The following CADM1 variants were observed in gnomAD, a reference collection of about 807,000 sequenced individuals.
The protein encoded by CADM1 is TSLC-1.
In CADM1, 15 loss-of-function variants were observed where a neutral mutation model predicts 53.1. The ratio of observed to expected loss-of-function variants is 0.28; its 90% CI spans 0.19 to 0.44. The LOEUF (loss-of-function observed/expected upper bound fraction) is 0.44. Among genes scored for constraint, CADM1 ranks in the 20% least tolerant of loss-of-function variants. The probability of loss-of-function intolerance (pLI) is 1.00; values close to 1 mark genes in which losing one functional copy is unlikely to be tolerated. For synonymous variants in CADM1, 281 were observed against 243.0 expected (o/e 1.16, Z -1.45); for missense variants, 434 against 611.3 (o/e 0.71, Z 3.06).
At chr11:115,251,572 C>T (rs1460310143) in intron 1 of CADM1, among the ~76,000 whole-genome samples, 2 of 152,128 alleles carry the variant, frequency 1.3e-5, no homozygotes, top group African/African-American at 4.8e-5. Flanking sequence ...CTGAATAATG[C>T]TGCAACATTC....
At chr11:115,354,250 G>A (rs909721614) in intron 1 of CADM1, among the ~76,000 whole-genome samples, 4 of 152,134 alleles carry the variant, frequency 2.6e-5, no homozygotes, top group Non-Finnish European at 5.9e-5. Flanking sequence ...ATTTTAATTA[G>A]TTCTCACGAC....
At chr11:115,207,183 C>G (rs1424947896) in intron 8 of CADM1, 1 of 152,114 alleles carries the variant, frequency 6.6e-6, no homozygotes, top group Non-Finnish European at 1.5e-5. Context: ...TTTAACTACT[C>G]TTGGGTGTGC....
chr11:115,503,438 C>T (rs1949776829), intron 1 of CADM1, among the ~76,000 whole-genome samples: 1 of 152,180 alleles, frequency 6.6e-6, no homozygotes, highest in Non-Finnish European at 1.5e-5. Context: ...CCTCCGCCAC[C>T]CTCGGGCCGC....
At chr11:115,395,364 A>C (rs1946968958) in intron 1 of CADM1, among the ~76,000 whole-genome samples, 1 of 152,232 alleles carries the variant, frequency 6.6e-6, no homozygotes, top group African/African-American at 2.4e-5. Flanking sequence ...TTGGGAAAAA[A>C]TTACTAAACC....
intron 1 of CADM1, among the ~76,000 whole-genome samples, chr11:115,351,305 C>A (rs1945730417): frequency 6.6e-6 from 1 of 152,160 alleles, no homozygotes; most frequent in Non-Finnish European, 1.5e-5. Flanking sequence ...GGAAGACGTA[C>A]CTTCATGCTC....
intron 1 of CADM1, among the ~76,000 whole-genome samples, chr11:115,268,302 A>G (rs1360239533): frequency 2.0e-5 from 3 of 152,194 alleles, no homozygotes; most frequent in Non-Finnish European, 2.9e-5. Context: ...CCACTGTACT[A>G]AAGTATTTGC....
rs1938908304 is a variant in CADM1, at chr11:115,174,210, A to C, written c.*2264T>G. ...CACTGCACTACTGTACACTTTTCAAAACAGAAAGATGGGAGGTCCCAAAAA... is the reference window on the plus strand; with the variant it reads ...CACTGCACTACTGTACACTTTTCAACACAGAAAGATGGGAGGTCCCAAAAA... On this transcript the variant is annotated 3_prime_UTR_variant, in exon 12 of 12. Coordinates refer to ENST00000331581, the MANE Select transcript of CADM1 (RefSeq NM_001301043.2). 1.0e-6 allele frequency: 1 copy of C among 985,326 alleles called. No homozygotes were observed. The highest frequency in any genetic ancestry group is 1.2e-6 in the Non-Finnish European group (1 of 829,918). The allele number at this position is 985,326 out of a possible 1,614,324, so 61.0% of individuals were successfully genotyped here.
intron 1 of CADM1, among the ~76,000 whole-genome samples, chr11:115,255,791 G>A (rs554196319): frequency 3.9e-5 from 6 of 152,144 alleles, no homozygotes; most frequent in Non-Finnish European, 8.8e-5. Context: ...AAATCAATAG[G>A]AAACTGAATG....
chr11:115,203,683 T>TA (rs903515717), intron 8 of CADM1, among the ~76,000 whole-genome samples: 1 of 152,216 alleles, frequency 6.6e-6, no homozygotes, highest in Admixed American at 6.5e-5. Context: ...GAAATTATGA[T>TA]AGAGGCATTA....
At chr11:115,367,932 G>A (rs942268190) in intron 1 of CADM1, among the ~76,000 whole-genome samples, 2 of 151,918 alleles carry the variant, frequency 1.3e-5, no homozygotes, top group Non-Finnish European at 2.9e-5. Flanking sequence ...TTTTAAGACT[G>A]AGATTGAAAT....
intron 1 of CADM1, among the ~76,000 whole-genome samples, chr11:115,420,113 C>A (rs972770584): frequency 6.6e-6 from 1 of 152,160 alleles, no homozygotes; most frequent in African/African-American, 2.4e-5. Context: ...CAGGCAAAAG[C>A]CCCTAGAAGC....
intron 1 of CADM1, among the ~76,000 whole-genome samples, chr11:115,376,251 T>C (rs574488088): frequency 6.6e-6 from 1 of 152,284 alleles, no homozygotes; most frequent in Non-Finnish European, 1.5e-5. Flanking sequence ...TTAAATGAGA[T>C]ACAACTCTTA....
intron 1 of CADM1, among the ~76,000 whole-genome samples, chr11:115,460,843 T>C (rs573126579): frequency 6.6e-6 from 1 of 152,252 alleles, no homozygotes; most frequent in African/African-American, 2.4e-5. Flanking sequence ...TGTTTTCCAT[T>C]TTTCTTTTTC....
chr11:115,259,739 T>G (rs1942914579), intron 1 of CADM1, among the ~76,000 whole-genome samples: 1 of 152,114 alleles, frequency 6.6e-6, no homozygotes, highest in Non-Finnish European at 1.5e-5. Flanking sequence ...GAAGGAGCTT[T>G]CCTCCAAACA....
intron 1 of CADM1, among the ~76,000 whole-genome samples, chr11:115,410,470 C>T (rs1264168309): frequency 2.0e-5 from 3 of 151,878 alleles, no homozygotes; most frequent in African/African-American, 7.3e-5. Context: ...GAAAAATAAA[C>T]AAAGTCTAGA....
Position 115,368,110 on chromosome 11 carries a change from C to CTTTT in CADM1, c.125-127694_125-127691dup, listed in dbSNP as rs58589028. On this transcript the variant is annotated intron_variant, in intron 1 of 11. Coordinates refer to ENST00000331581, the MANE Select transcript of CADM1 (RefSeq NM_001301043.2). ...AAAATGTCTTTATTATCACTAGAGT[C>CTTTT]TTTTTTTTTTTTTTTTTTTTTTTTT... 3.6e-3 allele frequency among the ~76,000 whole-genome samples: 222 copies of CTTTT among 61,890 alleles called. 11 individuals carry two copies. The highest frequency in any genetic ancestry group is 0.013 in the African/African-American group (195 of 14,784). The allele number at this position is 61,890 out of a possible 152,430, so 40.6% of individuals were successfully genotyped here. A position where few individuals can be genotyped will look rare whatever the true frequency, so the allele number is the denominator to read the frequency against.
At chr11:115,334,519 T>C (rs1425210194) in intron 1 of CADM1, among the ~76,000 whole-genome samples, 1 of 152,006 alleles carries the variant, frequency 6.6e-6, no homozygotes, top group Non-Finnish European at 1.5e-5. Flanking sequence ...ACATAACTTT[T>C]ATTACAGCAT....
intron 1 of CADM1, among the ~76,000 whole-genome samples, chr11:115,405,651 T>C (rs1430325396): frequency 1.3e-5 from 2 of 152,150 alleles, no homozygotes; most frequent in Admixed American, 6.5e-5. Context: ...TGAAAATAAG[T>C]GTACCAGAGC....
chr11:115,407,866 T>C (rs1300570852), intron 1 of CADM1, among the ~76,000 whole-genome samples: 3 of 94,190 alleles, frequency 3.2e-5, no homozygotes, highest in African/African-American at 1.3e-4. Context: ...AGTAAGACCC[T>C]GTCATTTAAA....
Sources: gnomAD v4.1 joint callset for allele counts (sites outside exome capture counted in the v4.1 genomes callset) on GRCh38, gnomAD v4.1.1 for gene constraint, MANE v1.5 for transcripts, NCBI Gene and HGNC (gene_info 2026-07-23, HGNC 2026-07-21) for gene names.